BRF1: variants seen among roughly 807,000 people sequenced by gnomAD.
BRF1 encodes the protein BRF1 general transcription factor IIIB subunit.
BRF1 carries 59 observed loss-of-function variants against 81.7 expected under a neutral mutation model. That is an observed-to-expected ratio of 0.72 (90% CI 0.59 to 0.90). The LOEUF (loss-of-function observed/expected upper bound fraction) is 0.90. BRF1 is among the 40% of genes least tolerant of loss of function. The pLI is 0.00. For missense variants in BRF1, 1,050 were observed against 936.3 expected, an observed-to-expected ratio of 1.12 and a Z score of -1.58; for synonymous variants, 491 against 395.6, an observed-to-expected ratio of 1.24 and a Z score of -2.86.
At chr14:105,314,143 T>A (rs1009121552) in intron 1 of BRF1, among the ~76,000 whole-genome samples, 15 of 151,672 alleles carry the variant, frequency 9.9e-5, no homozygotes, top group Admixed American at 8.5e-4. Flanking sequence ...CCCGGCCACC[T>A]CCTTGCCACC....
In BRF1 at chr14:105,306,372, C is replaced by T. The variant is rs587706165; in HGVS notation, c.-162+8950G>A. ...AGGCTGGAGTGCAGCGGCGCCATCT[C>T]GACTCAGTGCAACCTCTGCCTCCCA... On this transcript the variant is annotated intron_variant, in intron 1 of 17. Coordinates refer to the BRF1 transcript ENST00000327359. Among the ~76,000 whole-genome samples, 16 of 151,992 alleles carry T rather than the reference C, an allele frequency of 1.1e-4. No individual in the cohort carries two copies. In the East Asian group the frequency reaches 2.9e-3, roughly 28 times the overall value.
chr14:105,307,279 C>G (rs1230362625), intron 1 of BRF1, among the ~76,000 whole-genome samples: 1 of 152,118 alleles, frequency 6.6e-6, no homozygotes, highest in Non-Finnish European at 1.5e-5. Flanking sequence ...CTCCTGCATT[C>G]CTGAACACTA....
intron 3 of BRF1, among the ~76,000 whole-genome samples, chr14:105,259,984 C>A (rs2056071858): frequency 6.6e-6 from 1 of 152,072 alleles, no homozygotes; most frequent in South Asian, 2.1e-4. Flanking sequence ...AGAACAGGCA[C>A]AACTGGTCTG....
chr14:105,241,234 G>A (rs587676550), intron 6 of BRF1, 31 bp downstream of exon 6: 2 of 1,605,276 alleles, frequency 1.2e-6, no homozygotes, highest in Non-Finnish European at 1.7e-6. Flanking sequence ...ACCCAGACCA[G>A]CATCCCCCAG....
intron 1 of BRF1, among the ~76,000 whole-genome samples, chr14:105,298,997 C>T (rs1362555179): frequency 6.6e-6 from 1 of 151,828 alleles, no homozygotes; most frequent in African/African-American, 2.4e-5. Context: ...AGTGAAACCC[C>T]GTCTCCACTA....
Position 105,284,430 on chromosome 14 carries a change from A to G in BRF1, c.265+1866T>C, listed in dbSNP as rs2057238373. Among the ~76,000 whole-genome samples, 1 of 152,192 alleles carries G rather than the reference A, an allele frequency of 6.6e-6. No individual in the cohort carries two copies. Among genetic ancestry groups the G allele is most frequent in the Admixed American group, 6.5e-5 (1 of 15,280 alleles). Reference sequence around the variant, plus strand: ...GTGTCGGTGCTGGCCACCCGTCGGCAGCAGCAGCCAGGAGCAGAGGCAGGT... The same window carrying G: ...GTGTCGGTGCTGGCCACCCGTCGGCGGCAGCAGCCAGGAGCAGAGGCAGGT... On this transcript the variant is annotated intron_variant, in intron 2 of 17. Transcript: ENST00000547530. This position sits in a 1 kb window ranked among gnomAD's most constrained non-coding sequence, Gnocchi z 4.0.
chr14:105,213,435 G>T (rs1044273914), intron 15 of BRF1: 1 of 150,766 alleles, frequency 6.6e-6, no homozygotes, highest in Non-Finnish European at 1.5e-5. Context: ...TTTCTGAGAC[G>T]GAATCTTGCT....
At chr14:105,272,986 A>G in intron 2 of BRF1, 92 bp from the exon 3 acceptor site, 1 of 1,373,166 alleles carries the variant, frequency 7.3e-7, no homozygotes, top group Non-Finnish European at 9.6e-7. Context: ...AAGAATATAG[A>G]TTTGTGCTTT....
Position 105,226,106 on chromosome 14 carries a change from T to A in BRF1, c.1011A>T (p.Pro337=). Residue 337 remains proline, a synonymous_variant, in exon 10 of 18, where the codon CCA becomes CCT. Coordinates refer to ENST00000547530, the MANE Select transcript of BRF1 (RefSeq NM_001519.4). ...GGCTGGCCAGGCCCCCCTTGGCCTT[T>A]GGCCGGCTGTTTTCTAGTTCAATCT... The part of the protein sequence containing the change: ...AIEIELENSR[P]KAKGGLASLA... The A allele has an allele frequency of 1.2e-6, 2 of 1,613,968 alleles. No individual in the cohort carries two copies. Among genetic ancestry groups the A allele is most frequent in the Non-Finnish European group, 8.5e-7 (1 of 1,180,028 alleles).
chr14:105,287,484 C>T (rs193221926), intron 1 of BRF1, among the ~76,000 whole-genome samples: 8 of 150,506 alleles, frequency 5.3e-5, no homozygotes, highest in Admixed American at 5.3e-4. Context: ...AGCACAGACA[C>T]AGGACTGGAG....
intron 2 of BRF1, among the ~76,000 whole-genome samples, chr14:105,281,629 A>T (rs1244925528): frequency 1.3e-5 from 2 of 151,724 alleles, no homozygotes; most frequent in African/African-American, 2.4e-5. Flanking sequence ...ACCACAGTGG[A>T]GGGGGGCACT....
At chr14:105,253,662 T>A (rs1402046984) in intron 4 of BRF1, among the ~76,000 whole-genome samples, 4 of 152,174 alleles carry the variant, frequency 2.6e-5, no homozygotes, top group Non-Finnish European at 5.9e-5. Context: ...ATGCCTCTGA[T>A]CAGGGACCCT....
intron 5 of BRF1, chr14:105,242,529 A>G (rs1324356924): frequency 6.6e-6 from 1 of 151,998 alleles, no homozygotes; most frequent in African/African-American, 2.4e-5. Context: ...TGAGGTCCGC[A>G]GTTCGAGACC....
chr14:105,217,848 A>T, intron 14 of BRF1, 48 bp from the exon 15 acceptor site: 5 of 1,592,220 alleles, frequency 3.1e-6, no homozygotes, highest in Non-Finnish European at 3.4e-6. Context: ...CGCCCACTGC[A>T]CTCCACCATC....
chr14:105,292,853 C>G (rs1319238359), intron 1 of BRF1, among the ~76,000 whole-genome samples: 1 of 151,996 alleles, frequency 6.6e-6, no homozygotes, highest in South Asian at 2.1e-4. Flanking sequence ...CACACCCCTT[C>G]CCCAGGCCCA....
chr14:105,282,980 AT>A (rs1430970375), intron 2 of BRF1, among the ~76,000 whole-genome samples: 1 of 152,178 alleles, frequency 6.6e-6, no homozygotes, highest in Non-Finnish European at 1.5e-5. Context: ...GAAATACAAA[AT>A]AAGAGGCAGG....
rs768212653 is a variant in BRF1, at chr14:105,219,239, G to A, written c.1378-7C>T. ...CCGACTCATTCAGGATGTACTGGGC[G>A]AGCACAGGGAAGTGGGGCTGGCTTT... On this transcript the variant is annotated splice_polypyrimidine_tract_variant and splice_region_variant and intron_variant, in intron 12 of 17. Coordinates refer to ENST00000547530, the MANE Select transcript of BRF1 (RefSeq NM_001519.4). 41 of 1,610,108 alleles carry A rather than the reference G, an allele frequency of 2.5e-5. No individual in the cohort carries two copies. The highest frequency in any genetic ancestry group is 3.3e-5 in the Non-Finnish European group (39 of 1,177,142).
At chr14:105,314,599 G>C (rs1163339956) in intron 1 of BRF1, 1 of 144,604 alleles carries the variant, frequency 6.9e-6, no homozygotes, top group Non-Finnish European at 1.5e-5. Context: ...GCGCTGCGCC[G>C]GCGGCGATTG....
chr14:105,249,651 GTGA>G, intron 5 of BRF1: 1 of 1,612,130 alleles, frequency 6.2e-7, no homozygotes, highest in Non-Finnish European at 8.5e-7. Context: ...TACATGTACA[GTGA>G]TGAGATCGAT....
Sources: gnomAD v4.1 joint callset for allele counts (sites outside exome capture counted in the v4.1 genomes callset) on GRCh38, gnomAD v4.1.1 for gene constraint, Gnocchi (gnomAD v3.1) non-coding constraint, MANE v1.5 for transcripts, NCBI Gene and HGNC (gene_info 2026-07-23, HGNC 2026-07-21) for gene names.